The following CADM1 variants were observed in gnomAD, a reference collection of about 807,000 sequenced individuals.
CADM1 encodes TSLC-1.
In CADM1, 15 loss-of-function variants were observed where a neutral mutation model predicts 53.1. The ratio of observed to expected loss-of-function variants is 0.28; its 90% CI spans 0.19 to 0.44. The LOEUF (loss-of-function observed/expected upper bound fraction) is 0.44, where lower values mean the gene tolerates loss of function less well. Among genes scored for constraint, CADM1 ranks in the 20% least tolerant of loss-of-function variants. The pLI is 1.00. For missense variants in CADM1, 434 were observed against 611.3 expected (o/e 0.71, Z 3.06); for synonymous variants, 281 against 243.0 (o/e 1.16, Z -1.45).
chr11:115,474,411 C>T (rs1459589466), intron 1 of CADM1, among the ~76,000 whole-genome samples: 3 of 151,008 alleles, frequency 2.0e-5, no homozygotes, highest in East Asian at 1.9e-4. Context: ...TCATTTATTG[C>T]AGCACTATTC....
intron 1 of CADM1, among the ~76,000 whole-genome samples, chr11:115,338,457 C>T (rs534827992): frequency 2.6e-5 from 4 of 152,162 alleles, no homozygotes; most frequent in African/African-American, 9.7e-5. Flanking sequence ...TGGAGAAAGA[C>T]TTAAAGAACT....
intron 1 of CADM1, among the ~76,000 whole-genome samples, chr11:115,430,185 T>A (rs900021024): frequency 3.3e-5 from 5 of 152,222 alleles, no homozygotes; most frequent in African/African-American, 1.2e-4. Context: ...TTTAAATGCA[T>A]GACTTATTCA....
At chr11:115,489,178 T>G (rs1212758892) in intron 1 of CADM1, among the ~76,000 whole-genome samples, 6 of 152,234 alleles carry the variant, frequency 3.9e-5, no homozygotes. Flanking sequence ...TTCTCTTATC[T>G]GGACTGCTAG....
intron 1 of CADM1, among the ~76,000 whole-genome samples, chr11:115,477,613 T>G (rs751307672): frequency 5.3e-5 from 8 of 152,264 alleles, no homozygotes; most frequent in African/African-American, 7.2e-5. Flanking sequence ...GGGTCTGGAA[T>G]AGTGATTTCT....
intron 1 of CADM1, among the ~76,000 whole-genome samples, chr11:115,431,152 C>T (rs220836): frequency 0.76 from 115,919 of 152,058 alleles, 44,322 homozygotes; most frequent in Admixed American, 0.81. Context: ...AACTGGAAAA[C>T]AGATTGACAA....
At chr11:115,387,203 G>C (rs994547000) in intron 1 of CADM1, among the ~76,000 whole-genome samples, 9 of 152,046 alleles carry the variant, frequency 5.9e-5, no homozygotes, top group African/African-American at 2.2e-4. Flanking sequence ...AAATAAAGTT[G>C]ATCATTTTAA....
chr11:115,286,796 G>A (rs1943740267), intron 1 of CADM1, among the ~76,000 whole-genome samples: 1 of 152,140 alleles, frequency 6.6e-6, no homozygotes, highest in South Asian at 2.1e-4. Flanking sequence ...AAAGAGAGAG[G>A]GAAAGGAAGA....
chr11:115,333,536 T>C, intron 1 of CADM1: 1 of 152,146 alleles, frequency 6.6e-6, no homozygotes, highest in Non-Finnish European at 1.5e-5. Flanking sequence ...AAAACACACA[T>C]CCACCTACAT....
At chr11:115,273,173 A>G (rs1943350863) in intron 1 of CADM1, among the ~76,000 whole-genome samples, 2 of 152,216 alleles carry the variant, frequency 1.3e-5, no homozygotes, top group Non-Finnish European at 2.9e-5. Context: ...AACTGTTTTG[A>G]TCTATTAAGT....
At chr11:115,283,513 G>A (rs1231846364) in intron 1 of CADM1, among the ~76,000 whole-genome samples, 2 of 152,202 alleles carry the variant, frequency 1.3e-5, no homozygotes, top group African/African-American at 4.8e-5. Flanking sequence ...GAGGGTCTAA[G>A]CAAATCAGTG....
Position 115,209,672 on chromosome 11 carries a change from A to G in CADM1, c.995-15T>C. ...TGTGGGGGGATCTGGATAGAAAAAA[A>G]AAGGAAAATCAAACCCACAATGCTG... is the stretch of plus-strand genomic sequence containing the variant. On this transcript the variant is annotated splice_polypyrimidine_tract_variant and intron_variant, in intron 7 of 11. Transcript: ENST00000331581. 2 of 1,612,622 alleles carry G rather than the reference A, an allele frequency of 1.2e-6. No homozygotes were observed. Among genetic ancestry groups the G allele is most frequent in the Non-Finnish European group, 1.7e-6 (2 of 1,179,628 alleles).
Position 115,490,013 on chromosome 11 carries a change from A to C in CADM1, c.124+14258T>G, listed in dbSNP as rs1949456730. Among the ~76,000 whole-genome samples, 4 of 152,242 alleles carry C rather than the reference A, an allele frequency of 2.6e-5. No individual in the cohort carries two copies. The South Asian group carries it at 6.2e-4, about 24-fold the overall frequency. ...TGGAGAGCCGGCGAGGCCAAGCATGAAGGACACTGCAGGACACACTGAAAG... is the reference window on the plus strand; with the variant it reads ...TGGAGAGCCGGCGAGGCCAAGCATGCAGGACACTGCAGGACACACTGAAAG... On this transcript the variant is annotated intron_variant, in intron 1 of 11. Transcript: ENST00000331581.
At chr11:115,196,518 A>G (rs894977344) in intron 9 of CADM1, among the ~76,000 whole-genome samples, 9 of 144,700 alleles carry the variant, frequency 6.2e-5, no homozygotes, top group African/African-American at 2.0e-4. Context: ...CCAATCTTTT[A>G]GCTTCCCTGG....
At chr11:115,302,963 A>G (rs994562330) in intron 1 of CADM1, among the ~76,000 whole-genome samples, 3 of 152,116 alleles carry the variant, frequency 2.0e-5, no homozygotes, top group African/African-American at 7.2e-5. Context: ...AAAAAAGGAA[A>G]GAAAAAGAGC....
chr11:115,329,152 C>T lies in CADM1; in HGVS notation c.125-88732G>A, dbSNP rs148282092. Among the ~76,000 whole-genome samples the T allele has an allele frequency of 4.2e-3, 632 of 152,044 alleles. 7 individuals are homozygous for T. Among genetic ancestry groups the T allele is most frequent in the African/African-American group, 0.014 (588 of 41,466 alleles). ...AGCACTTTTATACTTCCTTACTCTACCTGCAAGTTTTCTAGTTAGAAAAAA... is the reference window on the plus strand; with the variant it reads ...AGCACTTTTATACTTCCTTACTCTATCTGCAAGTTTTCTAGTTAGAAAAAA... On this transcript the variant is annotated intron_variant, in intron 1 of 11. Transcript: ENST00000331581.
At chr11:115,191,493 A>G (rs1308815354) in intron 9 of CADM1, among the ~76,000 whole-genome samples, 2 of 152,224 alleles carry the variant, frequency 1.3e-5, no homozygotes, top group Non-Finnish European at 2.9e-5. Context: ...TTTTTTTAAA[A>G]AAGAGAATTT....
Position 115,174,312 on chromosome 11 carries a change from G to C in CADM1, c.*2162C>G. 2.0e-6 allele frequency: 2 copies of C among 983,488 alleles called. No homozygotes were observed. Among genetic ancestry groups the C allele is most frequent in the Non-Finnish European group, 2.4e-6 (2 of 828,844 alleles). 60.9% of individuals were successfully genotyped at this position (983,488 alleles called of 1,614,324 possible). ...TTTTGTTTTTCTTTTTTTCTAAAAA[G>C]AACAACTGAAAAAAAACCTTTCAAC... On this transcript the variant is annotated 3_prime_UTR_variant, in exon 12 of 12. Transcript: ENST00000331581.
chr11:115,246,311 A>C (rs962260778), intron 1 of CADM1, among the ~76,000 whole-genome samples: 2 of 152,212 alleles, frequency 1.3e-5, no homozygotes, highest in African/African-American at 4.8e-5. Context: ...AAATATGTTG[A>C]TTGTCTGCTC....
intron 10 of CADM1, among the ~76,000 whole-genome samples, chr11:115,179,691 T>C (rs1367381358): frequency 6.6e-6 from 1 of 152,234 alleles, no homozygotes; most frequent in African/African-American, 2.4e-5. Context: ...ATTAATACAT[T>C]AACATTTTGG....
Sources: gnomAD v4.1 joint callset for allele counts (sites outside exome capture counted in the v4.1 genomes callset) on GRCh38, gnomAD v4.1.1 for gene constraint, MANE v1.5 for transcripts, NCBI Gene and HGNC (gene_info 2026-07-23, HGNC 2026-07-21) for gene names.